Variants in ZNF599 observed in about 807,000 individuals in gnomAD.
ZNF599 encodes zinc finger protein 599.
ZNF599 carries 10 observed loss-of-function variants against 11.7 expected under a neutral mutation model. The observed-to-expected ratio is 0.86, with a 90% CI of 0.53 to 1.45. The LOEUF (loss-of-function observed/expected upper bound fraction) is 1.45, where lower values mean the gene tolerates loss of function less well. Among genes scored for constraint, ZNF599 ranks in the 40% most tolerant of loss-of-function variants. The pLI is 0.00. For missense variants in ZNF599, 688 were observed against 713.6 expected (o/e 0.96, Z 0.41); for synonymous variants, 232 against 253.2 (o/e 0.92, Z 0.79).
the ZNF599 span, among the ~76,000 whole-genome samples, chr19:34,803,279 G>A: frequency 1.3e-5 from 2 of 152,204 alleles, no homozygotes; most frequent in Admixed American, 1.3e-4. Context: ...GTCCTAATGT[G>A]AGAAGGATGG....
the ZNF599 span, among the ~76,000 whole-genome samples, chr19:34,801,455 T>G: frequency 6.6e-6 from 1 of 152,222 alleles, no homozygotes; most frequent in Non-Finnish European, 1.5e-5. Flanking sequence ...AAGTCCATAT[T>G]TGCAGCTGAA....
At chr19:34,807,300 C>G in the ZNF599 span, among the ~76,000 whole-genome samples, 2 of 152,162 alleles carry the variant, frequency 1.3e-5, no homozygotes, top group African/African-American at 4.8e-5. Flanking sequence ...GGGTGAGGGC[C>G]CAAGGGACGC....
rs763661525 is a variant in ZNF599 at position 34,760,244 on chromosome 19, G to T, written c.557C>A (p.Pro186Gln). ...TGCATCAGTCATGGGGTCTTTTCCT[G>T]GTCCTTGAGAGTCACACTCATGGAG... ...DALHECDSQG[P>Q]GKDPMTDARN... Residue 186 changes from proline (P) to glutamine (Q), a missense_variant, in exon 4 of 4, where the codon CCA becomes CAA. Physicochemically the swap from Pro to Gln is moderately conservative, Grantham distance 76. Transcript: ENST00000329285. The T allele has an allele frequency of 6.2e-7, 1 of 1,614,102 alleles. No individual in the cohort carries two copies. Among genetic ancestry groups the T allele is most frequent in the South Asian group, 1.1e-5 (1 of 91,084 alleles).
the ZNF599 span, among the ~76,000 whole-genome samples, chr19:34,793,731 A>G: frequency 6.6e-6 from 1 of 152,210 alleles, no homozygotes; most frequent in Admixed American, 6.5e-5. Context: ...TATTAGAGCT[A>G]CAGAGGGCAG....
rs1368374745 is a variant in ZNF599, at chr19:34,760,214, T to C, written c.587A>G (p.Asn196Ser). ...ACATTCCGTGCATGTGTAAGGGTTA[T>C]TCCTTGCATCAGTCATGGGGTCTTT... ...PGKDPMTDARNNPYTCTECGK... is the reference protein window; with the variant it reads ...PGKDPMTDARSNPYTCTECGK... The change falls in exon 4 of 4, where the codon AAT becomes AGT. Residue 196 changes from asparagine (N) to serine (S), a missense_variant. By Grantham distance (46) the Asn-to-Ser change is conservative. Transcript: ENST00000329285. The C allele has an allele frequency of 2.5e-6, 4 of 1,614,086 alleles. No individual in the cohort carries two copies. The highest frequency in any genetic ancestry group is 3.3e-5 in the Admixed American group (2 of 59,998).
Position 34,773,054 on chromosome 19 carries a change from G to A in ZNF599, c.-213C>T. On this transcript the variant is annotated 5_prime_UTR_variant, in exon 1 of 4. Coordinates refer to ENST00000329285, the MANE Select transcript of ZNF599 (RefSeq NM_001007248.3). The stretch of plus-strand genomic sequence containing the variant: ...GAAGGGTTTTGCAGACGCTTGTGGG[G>A]GTGGGATCGCGGCTGACATAAAAGC... 1 of 555,158 alleles carries A rather than the reference G, an allele frequency of 1.8e-6. No homozygotes were observed. The highest frequency in any genetic ancestry group is 2.5e-5 in the South Asian group (1 of 40,430). The allele number at this position is 555,158 out of a possible 1,614,324, so 34.4% of individuals were successfully genotyped here.
chr19:34,802,192 T>C, the ZNF599 span, among the ~76,000 whole-genome samples: 1 of 152,230 alleles, frequency 6.6e-6, no homozygotes, highest in East Asian at 1.9e-4. Flanking sequence ...CATGAGTCTA[T>C]GTGAGTTCAC....
chr19:34,759,647 T>G lies in ZNF599; in HGVS notation c.1154A>C (p.His385Pro), dbSNP rs150598265. The change falls in exon 4 of 4, where the codon CAC (histidine) becomes CCC (proline). Residue 385 changes from histidine to proline, a missense_variant. By Grantham distance (77) the His-to-Pro change is moderately conservative (BLOSUM62 -2). Coordinates refer to ENST00000329285, the MANE Select transcript of ZNF599 (RefSeq NM_001007248.3). ...TTTCTCTCCAGTGTGAATCCTCATG[T>G]GCTGAGTGAAGGATGAGTTGAGGCA... ...TFCLNSSFTQHMRIHTGEKPY... is the reference protein window; with the variant it reads ...TFCLNSSFTQPMRIHTGEKPY... The G allele has an allele frequency of 6.2e-7, 1 of 1,614,260 alleles. No homozygotes were observed. The highest frequency in any genetic ancestry group is 8.5e-7 in the Non-Finnish European group (1 of 1,180,046).
At position 34,759,440 on chromosome 19, in the gene ZNF599, C is replaced by T. The variant is rs1568491688; in HGVS notation, c.1361G>A (p.Ser454Asn). ...IHTGEKPYEC[S>N]ECGKAFTHHS... ...GTGTGTAAAAGCCTTTCCACATTCA[C>T]TGCACTCATAAGGCTTCTCACCAGT... The change falls in exon 4 of 4, where the codon AGT becomes AAT. Residue 454 changes from serine (S) to asparagine (N), a missense_variant. Physicochemically the swap from Ser to Asn is conservative, Grantham distance 46. Transcript: ENST00000329285. 5 of 1,614,150 alleles carry T rather than the reference C, an allele frequency of 3.1e-6. No individual in the cohort carries two copies. Among genetic ancestry groups the T allele is most frequent in the Middle Eastern group, 1.6e-4 (1 of 6,062 alleles).
rs968461747 is a variant in ZNF599, at chr19:34,773,214, C to T, written c.-373G>A. ...CTAACGGCGGACGAAGACTGGACGCCGGAAGTCCCGCCCACGCCGCTACGG... is the reference window on the plus strand; with the variant it reads ...CTAACGGCGGACGAAGACTGGACGCTGGAAGTCCCGCCCACGCCGCTACGG... On this transcript the variant is annotated 5_prime_UTR_variant, in exon 1 of 4. Transcript: ENST00000329285. 4 of 256,872 alleles carry T rather than the reference C, an allele frequency of 1.6e-5. No homozygotes were observed. Among genetic ancestry groups the T allele is most frequent in the East Asian group, 6.9e-5 (1 of 14,398 alleles). The allele number at this position is 256,872 out of a possible 1,614,324, so 15.9% of individuals were successfully genotyped here.
the ZNF599 span, chr19:34,779,983 G>T: frequency 6.5e-6 from 1 of 153,532 alleles, no homozygotes; most frequent in Non-Finnish European, 1.4e-5. Context: ...TGGCTAGAAA[G>T]TCCCCATCCT....
intron 3 of ZNF599, chr19:34,762,809 C>A (rs138855524): frequency 3.6e-4 from 55 of 152,130 alleles, no homozygotes; most frequent in Admixed American, 1.5e-3. Context: ...ATGTAACAAC[C>A]TTTTATTTTT....
chr19:34,767,335 G>A lies in ZNF599; in HGVS notation c.222C>T (p.Leu74=). ...ACCAACCTGCGCAGGTGCTTTGGGAGAGGCCTCTCTTCACTGTCCACAGTT... is the reference window on the plus strand; with the variant it reads ...ACCAACCTGCGCAGGTGCTTTGGGAAAGGCCTCTCTTCACTGTCCACAGTT... The part of the protein sequence containing the change: ...GQELWTVKRG[L]SQSTCAGEKA... The change falls in exon 3 of 4, where the codon CTC becomes CTT. Residue 74 remains leucine (L), a synonymous_variant. Coordinates refer to ENST00000329285, the MANE Select transcript of ZNF599 (RefSeq NM_001007248.3). 1 of 1,614,146 alleles carries A rather than the reference G, an allele frequency of 6.2e-7. No homozygotes were observed. The highest frequency in any genetic ancestry group is 8.5e-7 in the Non-Finnish European group (1 of 1,180,004).
the ZNF599 span, among the ~76,000 whole-genome samples, chr19:34,800,255 C>T: frequency 1.3e-5 from 2 of 152,036 alleles, no homozygotes; most frequent in African/African-American, 4.8e-5. Context: ...ATGTACTGCC[C>T]CTCTTTACCC....
chr19:34,762,962 T>TA (rs1156678324), intron 3 of ZNF599: 6 of 152,100 alleles, frequency 3.9e-5, no homozygotes, highest in Admixed American at 2.6e-4. Flanking sequence ...AAGACAAAGA[T>TA]AAAGTAGGCA....
chr19:34,794,923 CT>C, the ZNF599 span, among the ~76,000 whole-genome samples: 1 of 152,122 alleles, frequency 6.6e-6, no homozygotes, highest in African/African-American at 2.4e-5. Context: ...TCTTCTGCAA[CT>C]GCTTCTTGCT....
chr19:34,761,251 C>A (rs1284107482), intron 3 of ZNF599, among the ~76,000 whole-genome samples: 3 of 152,048 alleles, frequency 2.0e-5, no homozygotes, highest in Non-Finnish European at 4.4e-5. Flanking sequence ...TCTGCAATGT[C>A]TGAATAAAGA....
chr19:34,795,620 T>C, the ZNF599 span, among the ~76,000 whole-genome samples: 10 of 152,132 alleles, frequency 6.6e-5, no homozygotes, highest in Non-Finnish European at 1.0e-4. Context: ...TATCCCTGAA[T>C]TGTTAACATA....
At chr19:34,760,666 C>T in intron 3 of ZNF599, 107 bp from the exon 4 acceptor site, 1 of 992,280 alleles carries the variant, frequency 1.0e-6, no homozygotes, top group Non-Finnish European at 1.4e-6. Flanking sequence ...GTCTCTGATG[C>T]CTACTGCATT....
Sources: gnomAD v4.1 joint callset for allele counts (sites outside exome capture counted in the v4.1 genomes callset) on GRCh38, gnomAD v4.1.1 for gene constraint, MANE v1.5 for transcripts, NCBI Gene and HGNC (gene_info 2026-07-23, HGNC 2026-07-21) for gene names.